ASIC4: variants seen among roughly 807,000 people sequenced by gnomAD.
ASIC4 encodes the protein acid-sensing ion channel 4.
Under a neutral mutation model 53.4 loss-of-function variants are expected in ASIC4, and 28 were observed. The observed-to-expected ratio is 0.52, with a 90% CI of 0.39 to 0.72. ASIC4 has a LOEUF of 0.72. Ranked by LOEUF, ASIC4 falls within the 30% of genes least tolerant of loss-of-function variation. The pLI, the probability that ASIC4 is intolerant of heterozygous loss-of-function variation, is 0.00. For missense variants in ASIC4, 649 were observed against 729.7 expected (o/e 0.89, Z 1.27); for synonymous variants, 289 against 301.4 (o/e 0.96, Z 0.43).
At chr2:219,533,594 T>TTCGTCGGC in intron 5 of ASIC4, 1 of 156,616 alleles carries the variant, frequency 6.4e-6, no homozygotes, top group Admixed American at 6.1e-5. Flanking sequence ...AGGGACACAT[T>TTCGTCGGC]AGCTGAGGCT....
upstream of ASIC4, chr2:219,514,386 G>GCGCTCGCTCCCTCGCT: frequency 6.5e-7 from 1 of 1,547,460 alleles, no homozygotes; most frequent in Non-Finnish European, 8.7e-7. Flanking sequence ...TGGCGGAGCA[G>GCGCTCGCTCCCTCGCT]CGCTCGCTCC....
chr2:219,509,390 CACCTCTGCCA>C (rs1336363723), upstream of ASIC4, among the ~76,000 whole-genome samples: 3 of 152,266 alleles, frequency 2.0e-5, no homozygotes, highest in East Asian at 5.8e-4. This position sits in a 1 kb window ranked among gnomAD's most constrained non-coding sequence, Gnocchi z 5.2. Flanking sequence ...GACACACTGA[CACCTCTGCCA>C]ACAGACACAT....
chr2:219,530,085 C>T (rs1019606252), intron 1 of ASIC4, among the ~76,000 whole-genome samples: 3 of 152,160 alleles, frequency 2.0e-5, no homozygotes, highest in Non-Finnish European at 4.4e-5. Flanking sequence ...TTTCTTCCAG[C>T]TTTTACCAGT....
In ASIC4 at chr2:219,516,456, C is replaced by T. The variant is rs942483985; in HGVS notation, c.582+1150C>T. On this transcript the variant is annotated intron_variant, in intron 1 of 9. Transcript: ENST00000358078. This position sits in a 1 kb window ranked among gnomAD's most constrained non-coding sequence, Gnocchi z 4.9. ...GGGGGTGGGCGTGTCTTGTACACTG[C>T]CTGTCTGTCAGGGCTCCATTCACCC... Among the ~76,000 whole-genome samples the T allele has an allele frequency of 5.9e-5, 9 of 151,910 alleles. No homozygotes were observed. Among genetic ancestry groups the T allele is most frequent in the African/African-American group, 2.2e-4 (9 of 41,308 alleles).
rs370751307 is a variant in ASIC4 at position 219,537,210 on chromosome 2, G to A, written c.1322-32G>A. On this transcript the variant is annotated intron_variant, in intron 7 of 9. Coordinates refer to ENST00000358078, the MANE Select transcript of ASIC4 (RefSeq NM_018674.6). The surrounding 1 kb of genome is among the most constrained non-coding windows in gnomAD (Gnocchi z 4.9). ...TGTGTGGGGGTGGATCGGCCCGGCC[G>A]CTCCCTCTGACACTGCTCTCCTGCT... 9.9e-6 allele frequency: 16 copies of A among 1,610,754 alleles called. No individual in the cohort carries two copies. Among genetic ancestry groups the A allele is most frequent in the African/African-American group, 5.3e-5 (4 of 74,852 alleles).
At position 219,529,749 on chromosome 2, in the gene ASIC4, A is replaced by G. The variant is rs182216173; in HGVS notation, c.583-2009A>G. Among the ~76,000 whole-genome samples, 15 of 152,192 alleles carry G rather than the reference A, an allele frequency of 9.9e-5. No individual in the cohort carries two copies. The East Asian group carries it at 2.9e-3, about 29-fold the overall frequency. ...ACTACACCTAGCTGGTACTGAGGGGATGTGTGCAACGGTAGACGGCACTGT... is the reference window on the plus strand; with the variant it reads ...ACTACACCTAGCTGGTACTGAGGGGGTGTGTGCAACGGTAGACGGCACTGT... On this transcript the variant is annotated intron_variant, in intron 1 of 9. Coordinates refer to ENST00000358078, the MANE Select transcript of ASIC4 (RefSeq NM_018674.6).
In ASIC4 at chr2:219,537,563, G is replaced by A; in HGVS notation, c.1402-69G>A. The A allele has an allele frequency of 2.2e-6, 3 of 1,394,188 alleles. No individual in the cohort carries two copies. Among genetic ancestry groups the A allele is most frequent in the Non-Finnish European group, 3.0e-6 (3 of 1,009,132 alleles). 86.4% of individuals were successfully genotyped at this position (1,394,188 alleles called of 1,614,324 possible). ...GTAAGTCCTGTGGGCAGCTGGGCATGGTAAGGCTCACGCTTCTCCTCAACC... is the reference window on the plus strand; with the variant it reads ...GTAAGTCCTGTGGGCAGCTGGGCATAGTAAGGCTCACGCTTCTCCTCAACC... On this transcript the variant is annotated intron_variant, in intron 8 of 9. Coordinates refer to ENST00000358078, the MANE Select transcript of ASIC4 (RefSeq NM_018674.6). This position sits in a 1 kb window ranked among gnomAD's most constrained non-coding sequence, Gnocchi z 4.9.
chr2:219,512,212 C>T (rs1301700801), upstream of ASIC4, among the ~76,000 whole-genome samples: 1 of 152,114 alleles, frequency 6.6e-6, no homozygotes, highest in African/African-American at 2.4e-5. Flanking sequence ...AGTTACCACC[C>T]GATTTCTTTC....
In ASIC4 at chr2:219,537,102, C is replaced by T. The variant is rs1695151201; in HGVS notation, c.1266C>T (p.Ala422=). The T allele has an allele frequency of 6.2e-7, 1 of 1,613,988 alleles. No homozygotes were observed. Among genetic ancestry groups the T allele is most frequent in the Non-Finnish European group, 8.5e-7 (1 of 1,180,018 alleles). Residue 422 remains alanine (A), a synonymous_variant, in exon 7 of 10, where the codon GCC becomes GCT. Transcript: ENST00000358078. This position sits in a 1 kb window ranked among gnomAD's most constrained non-coding sequence, Gnocchi z 4.9. ...TGGTCCTAGATGTCTTCTTTGAGGCCCTGACCTCTGAAGCCATGGAGCAGC... is the reference window on the plus strand; with the variant it reads ...TGGTCCTAGATGTCTTCTTTGAGGCTCTGACCTCTGAAGCCATGGAGCAGC... ...NFLVLDVFFE[A]LTSEAMEQRA... is the part of the protein sequence containing the mutation.
chr2:219,513,100 C>T (rs756156312), upstream of ASIC4, among the ~76,000 whole-genome samples: 4 of 152,192 alleles, frequency 2.6e-5, no homozygotes, highest in Non-Finnish European at 5.9e-5. Context: ...CAGCAGCTGC[C>T]GTTTCCCTCA....
At chr2:219,533,366 C>T (rs993625998) in intron 5 of ASIC4, 8 of 261,176 alleles carry the variant, frequency 3.1e-5, no homozygotes, top group African/African-American at 1.3e-4. Context: ...TTCATCGATT[C>T]GCGCATTCTC....
intron 1 of ASIC4, among the ~76,000 whole-genome samples, chr2:219,521,836 T>G (rs1429818995): frequency 2.0e-5 from 3 of 152,304 alleles, no homozygotes; most frequent in East Asian, 1.9e-4. Flanking sequence ...CGGCCAGCAC[T>G]GGGGGCAGGA....
Position 219,517,968 on chromosome 2 carries a change from A to G in ASIC4, c.582+2662A>G, listed in dbSNP as rs919828304. 2.0e-5 allele frequency among the ~76,000 whole-genome samples: 3 copies of G among 151,878 alleles called. No homozygotes were observed. Among genetic ancestry groups the G allele is most frequent in the Non-Finnish European group, 4.4e-5 (3 of 67,968 alleles). On this transcript the variant is annotated intron_variant, in intron 1 of 9. Transcript: ENST00000358078. The surrounding 1 kb of genome is among the most constrained non-coding windows in gnomAD (Gnocchi z 4.2). ...TAATAAATGTCACATTTTCCAGCCT[A>G]TTTTTACTCCGGGTAATGTGCCCTC...
chr2:219,514,528 A>G lies in ASIC4; in HGVS notation c.-197A>G, dbSNP rs1444956832. 1 of 1,552,916 alleles carries G rather than the reference A, an allele frequency of 6.4e-7. No individual in the cohort carries two copies. The highest frequency in any genetic ancestry group is 8.7e-7 in the Non-Finnish European group (1 of 1,148,278). On this transcript the variant is annotated 5_prime_UTR_variant, in exon 1 of 10. Coordinates refer to ENST00000358078, the MANE Select transcript of ASIC4 (RefSeq NM_018674.6). ...CAGAGGCAGCAGCGGCAGAGGCAGCACCAGGGCTGCGGAGCTGCTGGGAGT... is the reference window on the plus strand; with the variant it reads ...CAGAGGCAGCAGCGGCAGAGGCAGCGCCAGGGCTGCGGAGCTGCTGGGAGT...
In ASIC4 at chr2:219,537,382, G is replaced by C. The variant is rs1407610955; in HGVS notation, c.1401+61G>C. 1 of 1,533,806 alleles carries C rather than the reference G, an allele frequency of 6.5e-7. No homozygotes were observed. Among genetic ancestry groups the C allele is most frequent in the African/African-American group, 1.4e-5 (1 of 73,434 alleles). On this transcript the variant is annotated intron_variant, in intron 8 of 9. Transcript: ENST00000358078. This position sits in a 1 kb window ranked among gnomAD's most constrained non-coding sequence, Gnocchi z 4.9. ...GCCGTGGGCAAAGCAGAAGGGGGCA[G>C]TGCGGGGTGCCTGGTGGAGCTGGCC... is the stretch of plus-strand genomic sequence containing the variant.
chr2:219,538,079 T>C lies in ASIC4; in HGVS notation c.*33T>C. On this transcript the variant is annotated 3_prime_UTR_variant, in exon 10 of 10. Coordinates refer to ENST00000358078, the MANE Select transcript of ASIC4 (RefSeq NM_018674.6). The stretch of plus-strand genomic sequence containing the variant: ...CTGTGACTGAAAGGACCCAGGAGTC[T>C]GGGACCCCTCCTGGGATCCCCAGCA... 1 of 1,546,364 alleles carries C rather than the reference T, an allele frequency of 6.5e-7. No individual in the cohort carries two copies. The highest frequency in any genetic ancestry group is 8.9e-7 in the Non-Finnish European group (1 of 1,126,024).
intron 1 of ASIC4, among the ~76,000 whole-genome samples, chr2:219,527,514 C>T (rs910365825): frequency 4.6e-5 from 7 of 152,278 alleles, no homozygotes; most frequent in African/African-American, 1.2e-4. Context: ...CAGGTAGGGA[C>T]GCTGCCCCAG....
In ASIC4 at chr2:219,529,263, C is replaced by T. The variant is rs147429667; in HGVS notation, c.583-2495C>T. On this transcript the variant is annotated intron_variant, in intron 1 of 9. Transcript: ENST00000358078. ...CTGAGTGCTCCTGAGCTGTCCATGA[C>T]ACCCACTCCTGCCCCACAGATGGAT... is the stretch of plus-strand genomic sequence containing the variant. Among the ~76,000 whole-genome samples the T allele has an allele frequency of 2.1e-3, 314 of 152,298 alleles. 2 individuals carry two copies. The highest frequency in any genetic ancestry group is 7.1e-3 in the African/African-American group (293 of 41,558).
chr2:219,510,130 C>G (rs1196457666), upstream of ASIC4, among the ~76,000 whole-genome samples: 1 of 152,066 alleles, frequency 6.6e-6, no homozygotes, highest in Non-Finnish European at 1.5e-5. This position sits in a 1 kb window ranked among gnomAD's most constrained non-coding sequence, Gnocchi z 5.2. Context: ...GCCGTCTTCA[C>G]AGCCCTCACT....
Sources: gnomAD v4.1 joint callset for allele counts (sites outside exome capture counted in the v4.1 genomes callset) on GRCh38, gnomAD v4.1.1 for gene constraint, Gnocchi (gnomAD v3.1) non-coding constraint, MANE v1.5 for transcripts, NCBI Gene and HGNC (gene_info 2026-07-23, HGNC 2026-07-21) for gene names.